SPAG16: variants seen among roughly 807,000 people sequenced by gnomAD.
SPAG16 encodes sperm associated antigen 16.
In SPAG16, 86 loss-of-function variants were observed where a neutral mutation model predicts 80.4. The ratio of observed to expected loss-of-function variants is 1.07; its 90% confidence interval spans 0.90 to 1.28. SPAG16 has a LOEUF of 1.28. Among genes scored for constraint, SPAG16 ranks in the 50% most tolerant of loss-of-function variants. SPAG16 has a pLI of 0.00. For synonymous variants in SPAG16, 294 were observed against 265.9 expected (o/e 1.11, Z -1.03); for missense variants, 870 against 765.3 (o/e 1.14, Z -1.61).
chr2:214,050,693 A>G (rs1430560432), intron 13 of SPAG16, among the ~76,000 whole-genome samples: 2 of 152,186 alleles, frequency 1.3e-5, no homozygotes, highest in Admixed American at 6.6e-5. Context: ...ATTGCAACAA[A>G]TCAAAATTCC....
chr2:213,866,867 G>T (rs1381580278), intron 11 of SPAG16, among the ~76,000 whole-genome samples: 1 of 151,778 alleles, frequency 6.6e-6, no homozygotes, highest in Non-Finnish European at 1.5e-5. Context: ...ACTACTTTTT[G>T]TTGAACACTA....
At chr2:214,277,178 A>T (rs919338177) in intron 15 of SPAG16, among the ~76,000 whole-genome samples, 2 of 151,808 alleles carry the variant, frequency 1.3e-5, no homozygotes, top group Non-Finnish European at 2.9e-5. Flanking sequence ...TATTCCAGTT[A>T]GCCGTTTGTC....
At chr2:214,383,382 G>C (rs1195353071) in intron 15 of SPAG16, among the ~76,000 whole-genome samples, 1 of 151,934 alleles carries the variant, frequency 6.6e-6, no homozygotes, top group Non-Finnish European at 1.5e-5. Context: ...AGACAAGCCT[G>C]GCCACCATGG....
At chr2:213,429,717 C>A (rs1443065034) in intron 9 of SPAG16, among the ~76,000 whole-genome samples, 1 of 152,172 alleles carries the variant, frequency 6.6e-6, no homozygotes, top group Non-Finnish European at 1.5e-5. Flanking sequence ...AAGCTACCAC[C>A]CTAAGGCTAT....
At chr2:214,133,146 A>G (rs1373512865) in intron 14 of SPAG16, among the ~76,000 whole-genome samples, 2 of 147,644 alleles carry the variant, frequency 1.4e-5, no homozygotes, top group Admixed American at 6.8e-5. Context: ...AAAACCTACC[A>G]TTAGCATAGA....
At chr2:213,573,495 A>G (rs902425177) in intron 10 of SPAG16, among the ~76,000 whole-genome samples, 2 of 152,188 alleles carry the variant, frequency 1.3e-5, no homozygotes, top group African/African-American at 4.8e-5. Context: ...TGCATTCTAC[A>G]TATAATTGCA....
At chr2:214,255,660 A>G (rs1458895272) in intron 15 of SPAG16, among the ~76,000 whole-genome samples, 2 of 151,796 alleles carry the variant, frequency 1.3e-5, no homozygotes, top group African/African-American at 2.4e-5. Flanking sequence ...TTTTCACTCA[A>G]TCTCCATCTA....
intron 10 of SPAG16, among the ~76,000 whole-genome samples, chr2:213,642,571 C>T (rs1173705218): frequency 1.3e-5 from 2 of 151,116 alleles, no homozygotes; most frequent in African/African-American, 4.9e-5. Context: ...AATCAGCTGC[C>T]AGCATGGCTA....
chr2:213,874,688 C>G (rs1316417683), intron 11 of SPAG16, among the ~76,000 whole-genome samples: 5 of 152,130 alleles, frequency 3.3e-5, no homozygotes, highest in Non-Finnish European at 7.4e-5. Context: ...CCATTATAAT[C>G]TTATGAAACC....
chr2:213,340,227 C>T lies in SPAG16; in HGVS notation c.601C>T (p.Arg201Ter), dbSNP rs199570173. The part of the protein sequence containing the change: ...ERDFHRMHHK[R>*]IVQEKNKLIN... ...TGATTTTCATCGAATGCATCATAAG[C>T]GAATAGTCCAGGAAAAAAACAAATT... The change falls in exon 6 of 16, where the codon CGA becomes TGA. Residue 201 changes from arginine (R) to a stop codon, truncating the protein, a stop_gained. Transcript: ENST00000331683. LOFTEE classifies it high-confidence loss of function. 25 of 1,611,054 alleles carry T rather than the reference C, an allele frequency of 1.6e-5. No individual in the cohort carries two copies. The highest frequency in any genetic ancestry group is 3.4e-5 in the Admixed American group (2 of 59,652).
chr2:213,556,944 G>A (rs757739466), intron 10 of SPAG16, among the ~76,000 whole-genome samples: 1 of 152,064 alleles, frequency 6.6e-6, no homozygotes, highest in Non-Finnish European at 1.5e-5. Flanking sequence ...GTATCTGCCA[G>A]ATTTCCAAAA....
intron 12 of SPAG16, among the ~76,000 whole-genome samples, chr2:213,954,787 C>G (rs1337204541): frequency 6.6e-6 from 1 of 152,090 alleles, no homozygotes; most frequent in African/African-American, 2.4e-5. Flanking sequence ...GAGAAATTCC[C>G]AATTCTCCAC....
At chr2:213,722,423 T>A (rs1454894018) in intron 10 of SPAG16, among the ~76,000 whole-genome samples, 1 of 152,214 alleles carries the variant, frequency 6.6e-6, no homozygotes, top group South Asian at 2.1e-4. Flanking sequence ...GAGGTTTCCC[T>A]AACTACTCTA....
At position 213,986,725 on chromosome 2, in the gene SPAG16, GTT is replaced by G. The variant is rs146458498; in HGVS notation, c.1401-27223_1401-27222del. 6.3e-3 allele frequency among the ~76,000 whole-genome samples: 953 copies of G among 151,578 alleles called. 7 individuals are homozygous for G. The highest frequency in any genetic ancestry group is 0.022 in the African/African-American group (914 of 41,414). ...CGTATTTCCTTAGGAGACATAATAGGTTTTAAACTATGCCTTATTACTACGTT... is the reference window on the plus strand; with the variant it reads ...CGTATTTCCTTAGGAGACATAATAGGTTAAACTATGCCTTATTACTACGTT... On this transcript the variant is annotated intron_variant, in intron 12 of 15. Coordinates refer to ENST00000331683, the MANE Select transcript of SPAG16 (RefSeq NM_024532.5).
intron 15 of SPAG16, among the ~76,000 whole-genome samples, chr2:214,384,071 A>G (rs1700612787): frequency 6.6e-6 from 1 of 152,208 alleles, no homozygotes; most frequent in South Asian, 2.1e-4. Flanking sequence ...GAGCTACTAA[A>G]GTGTCCAAGA....
At chr2:213,486,769 A>G (rs1288398626) in intron 9 of SPAG16, among the ~76,000 whole-genome samples, 2 of 152,130 alleles carry the variant, frequency 1.3e-5, no homozygotes, top group African/African-American at 2.4e-5. Flanking sequence ...TATTAAACTT[A>G]TAATTTGATT....
intron 9 of SPAG16, among the ~76,000 whole-genome samples, chr2:213,425,212 A>T (rs1051349057): frequency 6.6e-6 from 1 of 152,010 alleles, no homozygotes; most frequent in African/African-American, 2.4e-5. Context: ...AGTCCCAGCT[A>T]CTCGGGAGGC....
chr2:213,346,537 T>C (rs574954755), intron 6 of SPAG16, among the ~76,000 whole-genome samples: 2 of 152,328 alleles, frequency 1.3e-5, no homozygotes, highest in Admixed American at 1.3e-4. Context: ...ATAGCTCTTA[T>C]TATTTTGAGA....
chr2:214,226,880 A>G (rs529331438), intron 15 of SPAG16, among the ~76,000 whole-genome samples: 2 of 152,118 alleles, frequency 1.3e-5, no homozygotes, highest in East Asian at 3.9e-4. Flanking sequence ...TGAAAATTTC[A>G]CCCCATGCAC....
Sources: allele counts gnomAD v4.1 joint callset (sites outside exome capture counted in the v4.1 genomes callset), GRCh38; gene constraint gnomAD v4.1.1; transcripts MANE v1.5; gene names NCBI Gene and HGNC (gene_info 2026-07-23, HGNC 2026-07-21).